The following PDE10A variants were observed in gnomAD, a reference collection of about 807,000 sequenced individuals.
PDE10A encodes phosphodiesterase 10A, also known as cAMP and cAMP-inhibited cGMP 3',5'-cyclic phosphodiesterase 10A.
In PDE10A, 39 loss-of-function variants were observed where a neutral mutation model predicts 97.7. That is an observed-to-expected ratio of 0.40 (90% CI 0.31 to 0.52). The LOEUF is 0.52. Among genes scored for constraint, PDE10A ranks in the 20% least tolerant of loss-of-function variants. The pLI, the probability that PDE10A is intolerant of heterozygous loss-of-function variation, is 0.56. For missense variants in PDE10A, 731 were observed against 1,047.8 expected, an observed-to-expected ratio of 0.70 and a Z score of 4.17; for synonymous variants, 371 against 376.8, an observed-to-expected ratio of 0.98 and a Z score of 0.18.
chr6:165,947,971 T>C (rs1471673172), intron 1 of PDE10A, among the ~76,000 whole-genome samples: 1 of 151,940 alleles, frequency 6.6e-6, no homozygotes, highest in Non-Finnish European at 1.5e-5. Context: ...CAGAATATTA[T>C]ATGTAAATTA....
chr6:165,683,278 C>A (rs1791026344), intron 1 of PDE10A, among the ~76,000 whole-genome samples: 1 of 152,072 alleles, frequency 6.6e-6, no homozygotes, highest in Admixed American at 6.5e-5. Flanking sequence ...TCAGAATATA[C>A]CAAAGGCCTT....
At chr6:165,417,329 C>G (rs180734634) in intron 11 of PDE10A, among the ~76,000 whole-genome samples, 1 of 152,018 alleles carries the variant, frequency 6.6e-6, no homozygotes, top group East Asian at 1.9e-4. Context: ...TGCTTCTTTG[C>G]GTTGGTCTGA....
At chr6:165,375,939 C>T (rs1279619950) in intron 18 of PDE10A, among the ~76,000 whole-genome samples, 1 of 152,182 alleles carries the variant, frequency 6.6e-6, no homozygotes. Context: ...AGAAAGGTTC[C>T]TTTCAAAATG....
intron 1 of PDE10A, among the ~76,000 whole-genome samples, chr6:165,650,067 T>C (rs1789601231): frequency 6.6e-6 from 1 of 152,144 alleles, no homozygotes; most frequent in African/African-American, 2.4e-5. Flanking sequence ...TTTTGGGATC[T>C]TGTGTAGGAG....
intron 1 of PDE10A, among the ~76,000 whole-genome samples, chr6:165,782,546 CATTTG>C (rs1778372105): frequency 6.6e-6 from 1 of 152,156 alleles, no homozygotes; most frequent in African/African-American, 2.4e-5. Flanking sequence ...CACTATTTTT[CATTTG>C]ACCTTCAGAA....
intron 18 of PDE10A, among the ~76,000 whole-genome samples, chr6:165,365,468 G>A (rs1783710387): frequency 6.6e-6 from 1 of 152,164 alleles, no homozygotes; most frequent in Non-Finnish European, 1.5e-5. Context: ...GGCTGGGGTG[G>A]GAAGATCATT....
chr6:165,925,413 T>C (rs1782903055), intron 1 of PDE10A, among the ~76,000 whole-genome samples: 1 of 152,220 alleles, frequency 6.6e-6, no homozygotes, highest in Non-Finnish European at 1.5e-5. Flanking sequence ...AATAAAGGCT[T>C]ATGTTTACAC....
intron 1 of PDE10A, among the ~76,000 whole-genome samples, chr6:165,950,728 T>A (rs1362652559): frequency 7.0e-6 from 1 of 143,518 alleles, no homozygotes; most frequent in Admixed American, 7.1e-5. Context: ...ACAGCCGTCT[T>A]CAGCTGAGCC....
At chr6:165,626,619 C>T (rs1788399072) in intron 1 of PDE10A, among the ~76,000 whole-genome samples, 1 of 152,198 alleles carries the variant, frequency 6.6e-6, no homozygotes, top group South Asian at 2.1e-4. Flanking sequence ...ACGGCTGAAA[C>T]TATTAATGTG....
Position 165,795,026 on chromosome 6 carries a change from C to T in PDE10A, c.-615+192503G>A, listed in dbSNP as rs77459112. On this transcript the variant is annotated intron_variant, in intron 1 of 19. Coordinates refer to the PDE10A transcript ENST00000366882. ...TATGTGACATGGGCTTATTTCAGGG[C>T]TCTGTCAAAACAGGGCTGTCACTTT... Among the ~76,000 whole-genome samples, 75 of 152,272 alleles carry T rather than the reference C, an allele frequency of 4.9e-4. 1 individual carries two copies. The highest frequency in any genetic ancestry group is 8.1e-4 in the Non-Finnish European group (55 of 68,018).
chr6:165,541,932 T>TA (rs1443813920), intron 2 of PDE10A, among the ~76,000 whole-genome samples: 2 of 152,192 alleles, frequency 1.3e-5, no homozygotes, highest in South Asian at 2.1e-4. Flanking sequence ...ATTACCACTA[T>TA]AAAAAATGCA....
chr6:165,570,170 G>A (rs192379720), intron 1 of PDE10A, among the ~76,000 whole-genome samples: 3 of 152,160 alleles, frequency 2.0e-5, no homozygotes, highest in African/African-American at 7.2e-5. Context: ...TACCCTAATG[G>A]CAGCCCTAGC....
chr6:165,729,258 C>T (rs1234731861), intron 1 of PDE10A, among the ~76,000 whole-genome samples: 1 of 151,562 alleles, frequency 6.6e-6, no homozygotes, highest in Non-Finnish European at 1.5e-5. Context: ...AACCGAATAT[C>T]AACCTTTTTC....
intron 19 of PDE10A, among the ~76,000 whole-genome samples, chr6:165,341,450 C>T (rs1424248615): frequency 1.3e-5 from 2 of 152,152 alleles, no homozygotes; most frequent in Non-Finnish European, 2.9e-5. Flanking sequence ...TATAGTTATG[C>T]CTTTCTCATA....
chr6:165,344,592 G>T (rs1227430588), intron 18 of PDE10A, among the ~76,000 whole-genome samples: 3 of 152,156 alleles, frequency 2.0e-5, no homozygotes, highest in Non-Finnish European at 4.4e-5. Flanking sequence ...CACATTAGGA[G>T]CATCCATCTG....
At chr6:165,400,556 A>T (rs188630724) in intron 13 of PDE10A, among the ~76,000 whole-genome samples, 2 of 152,368 alleles carry the variant, frequency 1.3e-5, no homozygotes, top group East Asian at 1.9e-4. Flanking sequence ...CACTTCACCA[A>T]AGATGGTGTA....
intron 3 of PDE10A, among the ~76,000 whole-genome samples, chr6:165,466,339 G>A (rs1300392802): frequency 6.6e-6 from 1 of 152,168 alleles, no homozygotes; most frequent in Non-Finnish European, 1.5e-5. Context: ...AAGATTGCTA[G>A]TAGAAAAGGA....
intron 1 of PDE10A, among the ~76,000 whole-genome samples, chr6:165,851,569 G>A (rs1036237905): frequency 5.3e-5 from 8 of 152,194 alleles, no homozygotes; most frequent in South Asian, 2.1e-4. Context: ...GTTCCAGTAC[G>A]AGGTGGGCTA....
chr6:165,716,735 G>T (rs1792035016), intron 1 of PDE10A, among the ~76,000 whole-genome samples: 1 of 152,146 alleles, frequency 6.6e-6, no homozygotes, highest in African/African-American at 2.4e-5. Flanking sequence ...GGGAGAGGAG[G>T]AACTAAGGAT....
Sources: allele counts gnomAD v4.1 joint callset (sites outside exome capture counted in the v4.1 genomes callset), GRCh38; gene constraint gnomAD v4.1.1; transcripts MANE v1.5; gene names NCBI Gene and HGNC (gene_info 2026-07-23, HGNC 2026-07-21).